Variants in SORCS2 observed in about 807,000 individuals in gnomAD.
The protein encoded by SORCS2 is sortilin related VPS10 domain containing receptor 2.
A neutral mutation model predicts 141.6 loss-of-function variants in SORCS2; 100 were observed. That is an observed-to-expected ratio of 0.71 (90% confidence interval 0.60 to 0.83). SORCS2 has a LOEUF of 0.83. Ranked by LOEUF, SORCS2 falls within the 40% of genes least tolerant of loss-of-function variation. The pLI is 0.00. For missense variants in SORCS2, 1,646 were observed against 1,560.2 expected, an observed-to-expected ratio of 1.05 and a Z score of -0.93; for synonymous variants, 789 against 676.9, an observed-to-expected ratio of 1.17 and a Z score of -2.57.
chr4:7,276,898 C>G (rs1235747102), intron 1 of SORCS2, among the ~76,000 whole-genome samples: 1 of 152,198 alleles, frequency 6.6e-6, no homozygotes, highest in Non-Finnish European at 1.5e-5. Flanking sequence ...AGGCACAGAG[C>G]TCCGCTCAGT....
At chr4:7,406,492 C>T (rs2109141177) in intron 2 of SORCS2, among the ~76,000 whole-genome samples, 1 of 151,468 alleles carries the variant, frequency 6.6e-6, no homozygotes, top group South Asian at 2.1e-4. Context: ...GGAATTTATC[C>T]ATTTCTTCCA....
At chr4:7,638,759 G>T (rs1720439256) in intron 4 of SORCS2, among the ~76,000 whole-genome samples, 1 of 152,202 alleles carries the variant, frequency 6.6e-6, no homozygotes, top group South Asian at 2.1e-4. Flanking sequence ...CTCAAGAGAG[G>T]AACCAGTGAG....
intron 3 of SORCS2, among the ~76,000 whole-genome samples, chr4:7,602,113 C>G (rs1717735782): frequency 6.6e-6 from 1 of 152,244 alleles, no homozygotes; most frequent in Non-Finnish European, 1.5e-5. Flanking sequence ...TTTCCTTTCC[C>G]CACACTTCCC....
chr4:7,720,138 C>T (rs1336870405), intron 18 of SORCS2, among the ~76,000 whole-genome samples: 2 of 152,194 alleles, frequency 1.3e-5, no homozygotes, highest in Non-Finnish European at 2.9e-5. Context: ...CTGTCTCACA[C>T]ACACAGGCCA....
intron 1 of SORCS2, among the ~76,000 whole-genome samples, chr4:7,369,079 G>A (rs577231027): frequency 6.6e-6 from 1 of 152,270 alleles, no homozygotes; most frequent in Admixed American, 6.5e-5. Context: ...GGTCAAGGCG[G>A]GTGGATCACT....
chr4:7,299,596 T>C (rs1478967181), intron 1 of SORCS2, among the ~76,000 whole-genome samples: 1 of 152,224 alleles, frequency 6.6e-6, no homozygotes, highest in African/African-American at 2.4e-5. Context: ...TGGTTTCTGT[T>C]GTCCTTTCTT....
intron 2 of SORCS2, among the ~76,000 whole-genome samples, chr4:7,416,605 T>TTC (rs1725693444): frequency 6.6e-6 from 1 of 151,754 alleles, no homozygotes; most frequent in African/African-American, 2.4e-5. Context: ...CACTTGTGCG[T>TTC]ATACACAGAC....
chr4:7,407,928 G>T (rs1725072984), intron 2 of SORCS2, among the ~76,000 whole-genome samples: 1 of 134,580 alleles, frequency 7.4e-6, no homozygotes, highest in Non-Finnish European at 1.7e-5. Flanking sequence ...AGATCACAAA[G>T]AAAAGAATAG....
intron 12 of SORCS2, 92 bp downstream of exon 12, chr4:7,697,366 A>G: frequency 8.8e-7 from 1 of 1,140,858 alleles, no homozygotes. Flanking sequence ...TCCATTCCAG[A>G]GGCTCTGTGG....
intron 3 of SORCS2, among the ~76,000 whole-genome samples, chr4:7,585,486 C>T (rs1465832487): frequency 6.6e-6 from 1 of 152,212 alleles, no homozygotes; most frequent in Non-Finnish European, 1.5e-5. Flanking sequence ...TTCCGAAATC[C>T]ACCTGTGGCC....
chr4:7,260,204 G>A (rs1473787039), intron 1 of SORCS2, among the ~76,000 whole-genome samples: 2 of 152,236 alleles, frequency 1.3e-5, no homozygotes, highest in Non-Finnish European at 2.9e-5. Flanking sequence ...AGAATGGGTA[G>A]GAGGCAGCTG....
chr4:7,586,103 C>G (rs1049281868), intron 3 of SORCS2, among the ~76,000 whole-genome samples: 7 of 152,234 alleles, frequency 4.6e-5, no homozygotes, highest in Admixed American at 6.5e-5. Context: ...GGCAGCCACT[C>G]TGTTCCAATT....
intron 1 of SORCS2, among the ~76,000 whole-genome samples, chr4:7,276,350 T>C (rs1715501432): frequency 6.6e-6 from 1 of 152,086 alleles, no homozygotes; most frequent in Non-Finnish European, 1.5e-5. Context: ...GGGACCCCCA[T>C]CTCAAGCTGT....
intron 3 of SORCS2, among the ~76,000 whole-genome samples, chr4:7,606,769 G>A (rs1442952706): frequency 6.6e-6 from 1 of 151,970 alleles, no homozygotes; most frequent in Non-Finnish European, 1.5e-5. Context: ...GAGGAGGGTG[G>A]GTGACGATGC....
chr4:7,342,248 G>A (rs1720409431), intron 1 of SORCS2, among the ~76,000 whole-genome samples: 1 of 152,048 alleles, frequency 6.6e-6, no homozygotes. Flanking sequence ...TGTGGACATG[G>A]GTCTGCCTCC....
intron 5 of SORCS2, among the ~76,000 whole-genome samples, chr4:7,659,053 G>A (rs1721982361): frequency 1.3e-5 from 2 of 152,182 alleles, no homozygotes; most frequent in Non-Finnish European, 2.9e-5. Context: ...AGTCATATTA[G>A]TTGGAATGTG....
chr4:7,456,657 C>A (rs577241401), intron 2 of SORCS2, among the ~76,000 whole-genome samples: 1 of 152,314 alleles, frequency 6.6e-6, no homozygotes, highest in Non-Finnish European at 1.5e-5. Flanking sequence ...AAGGGGCTGT[C>A]AAGAGCAAAC....
chr4:7,506,615 T>A (rs1353721386), intron 2 of SORCS2, among the ~76,000 whole-genome samples: 1 of 152,230 alleles, frequency 6.6e-6, no homozygotes, highest in Admixed American at 6.5e-5. Context: ...CATTTCCCCC[T>A]GCTCTGGGCC....
At chr4:7,620,630 A>G (rs4689798) in intron 3 of SORCS2, among the ~76,000 whole-genome samples, 37,539 of 152,194 alleles carry the variant, frequency 0.25, 5,571 homozygotes, top group East Asian at 0.59. Context: ...ACTTGTCACT[A>G]TGGAGGCGGT....
Sources: gnomAD v4.1 joint callset for allele counts (sites outside exome capture counted in the v4.1 genomes callset) on GRCh38, gnomAD v4.1.1 for gene constraint, MANE v1.5 for transcripts, NCBI Gene and HGNC (gene_info 2026-07-23, HGNC 2026-07-21) for gene names.